DNTT: variants seen among roughly 807,000 people sequenced by gnomAD.
The protein encoded by DNTT is DNA nucleotidylexotransferase, also known as nucleosidetriphosphate:DNA deoxynucleotidylexotransferase.
Under a neutral mutation model 60.9 loss-of-function variants are expected in DNTT, and 47 were observed. The ratio of observed to expected loss-of-function variants is 0.77; its 90% confidence interval spans 0.61 to 0.98. DNTT has a LOEUF of 0.98. Ranked by LOEUF, DNTT falls within the 50% of genes least tolerant of loss-of-function variation. The probability of loss-of-function intolerance (pLI) is 0.00; values close to 1 mark genes in which losing one functional copy is unlikely to be tolerated. For synonymous variants in DNTT, 224 were observed against 221.2 expected, an observed-to-expected ratio of 1.01 and a Z score of -0.11; for missense variants, 665 against 627.5, an observed-to-expected ratio of 1.06 and a Z score of -0.64.
intron 10 of DNTT, among the ~76,000 whole-genome samples, chr10:96,336,677 T>G (rs1311273824): frequency 1.3e-5 from 2 of 152,196 alleles, no homozygotes; most frequent in African/African-American, 4.8e-5. Flanking sequence ...CCAGGCGCAG[T>G]GGCTCACGTC....
chr10:96,324,440 G>T (rs747472384), intron 6 of DNTT, 51 bp downstream of exon 6: 79 of 1,605,822 alleles, frequency 4.9e-5, no homozygotes, highest in Non-Finnish European at 6.7e-5. Context: ...GTCGGGTCGT[G>T]GTGGAGCTCT....
chr10:96,328,053 G>A (rs1844959740), intron 7 of DNTT, among the ~76,000 whole-genome samples: 2 of 152,188 alleles, frequency 1.3e-5, no homozygotes, highest in South Asian at 4.1e-4. Flanking sequence ...GTAGAGCTTA[G>A]TTCTCAGCAA....
rs147771983 is a variant in DNTT at position 96,315,679 on chromosome 10, A to G, written c.204-2673A>G. ...AGGGGTCCCAGGGTTCCTCTTTAAC[A>G]TACCCTTCTCCCTCTCAGGGTTAGG... is the stretch of plus-strand genomic sequence containing the variant. On this transcript the variant is annotated intron_variant, in intron 1 of 10. Transcript: ENST00000371174. Among the ~76,000 whole-genome samples, 1,113 of 151,964 alleles carry G rather than the reference A, an allele frequency of 7.3e-3. 9 individuals are homozygous for G. The highest frequency in any genetic ancestry group is 0.021 in the African/African-American group (880 of 41,458).
chr10:96,332,864 C>T (rs909391391), intron 9 of DNTT, among the ~76,000 whole-genome samples: 5 of 152,222 alleles, frequency 3.3e-5, no homozygotes, highest in African/African-American at 1.2e-4. Context: ...TTCTTCACCC[C>T]ACTCCAAACC....
Position 96,322,745 on chromosome 10 carries a change from A to T in DNTT, c.750+17A>T. On this transcript the variant is annotated intron_variant, in intron 5 of 10. Coordinates refer to ENST00000371174, the MANE Select transcript of DNTT (RefSeq NM_004088.4). ...TCCTTCAAAGTAAGTGATTTTACAT[A>T]TATTTATTGAAAATTGTTTTTCAGT... The T allele has an allele frequency of 3.8e-6, 6 of 1,570,254 alleles. No homozygotes were observed. The highest frequency in any genetic ancestry group is 5.2e-6 in the Non-Finnish European group (6 of 1,150,136).
intron 4 of DNTT, among the ~76,000 whole-genome samples, chr10:96,321,210 TA>T (rs1420671018): frequency 2.0e-5 from 3 of 152,058 alleles, no homozygotes; most frequent in African/African-American, 7.2e-5. Context: ...GGAAGTTTAT[TA>T]AAAAGCTTTA....
chr10:96,319,490 A>T (rs1844840210), intron 3 of DNTT, 100 bp downstream of exon 3: 1 of 1,550,176 alleles, frequency 6.5e-7, no homozygotes. Context: ...AAACCTGGGA[A>T]AGTTTTCCTC....
chr10:96,337,390 G>C (rs1182116974), intron 10 of DNTT, among the ~76,000 whole-genome samples: 1 of 152,226 alleles, frequency 6.6e-6, no homozygotes, highest in Admixed American at 6.5e-5. Flanking sequence ...GAGTCAAGAG[G>C]AGTGGTTTCC....
At chr10:96,332,645 TAGGCCG>T in intron 9 of DNTT, 49 bp downstream of exon 9, 1 of 1,594,964 alleles carries the variant, frequency 6.3e-7, no homozygotes, top group Non-Finnish European at 8.6e-7. Flanking sequence ...CTGAAAGACG[TAGGCCG>T]AGTCTACCTG....
At position 96,319,467 on chromosome 10, in the gene DNTT, T is replaced by G. The variant is rs1844838286; in HGVS notation, c.507+77T>G. On this transcript the variant is annotated intron_variant, in intron 3 of 10. Coordinates refer to ENST00000371174, the MANE Select transcript of DNTT (RefSeq NM_004088.4). ...TTTCTGTGGACCGCAAATTAAATTA[T>G]AAATTTTTCTGAAAACCTGGGAAAG... 3 of 1,584,896 alleles carry G rather than the reference T, an allele frequency of 1.9e-6. No individual in the cohort carries two copies. The Admixed American group carries it at 5.4e-5, about 28-fold the overall frequency.
At position 96,320,702 on chromosome 10, in the gene DNTT, T is replaced by C. The variant is rs769842897; in HGVS notation, c.592T>C (p.Leu198=). Residue 198 remains leucine (L), a synonymous_variant, in exon 4 of 11, where the codon TTG becomes CTG. Coordinates refer to ENST00000371174, the MANE Select transcript of DNTT (RefSeq NM_004088.4). Reference sequence around the variant, plus strand: ...GACATTTATGAGAGCAGCTTCTGTATTGAAATCTCTGCCATTCACAATCAT... The same window carrying C: ...GACATTTATGAGAGCAGCTTCTGTACTGAAATCTCTGCCATTCACAATCAT... ...CVTFMRAASV[L]KSLPFTIISM... is the part of the protein sequence containing the mutation. The C allele has an allele frequency of 2.5e-6, 4 of 1,613,894 alleles. No individual in the cohort carries two copies. Among genetic ancestry groups the C allele is most frequent in the Middle Eastern group, 1.7e-4 (1 of 6,060 alleles).
chr10:96,320,987 T>TAC (rs1844864875), intron 4 of DNTT, among the ~76,000 whole-genome samples, 199 bp downstream of exon 4: 1 of 149,506 alleles, frequency 6.7e-6, no homozygotes, highest in Non-Finnish European at 1.5e-5. Flanking sequence ...TTTATACACA[T>TAC]ACACACACAC....
chr10:96,310,066 G>A (rs1844692001), intron 1 of DNTT, among the ~76,000 whole-genome samples: 1 of 152,140 alleles, frequency 6.6e-6, no homozygotes, highest in Admixed American at 6.6e-5. Context: ...ACAAAAGTTT[G>A]CTTCTCCTCC....
chr10:96,320,779 T>C lies in DNTT; in HGVS notation c.669T>C (p.Gly223=). ...CCTGCCTGGGGTCCAAGGTGAAGGG[T>C]ATCATAGAGGTAAGGGTGAAATGGG... The part of the protein sequence containing the change: ...GIPCLGSKVK[G]IIEEIIEDGE... Residue 223 remains glycine, a synonymous_variant, in exon 4 of 11, where the codon GGT becomes GGC. Coordinates refer to ENST00000371174, the MANE Select transcript of DNTT (RefSeq NM_004088.4). 4.3e-6 allele frequency: 7 copies of C among 1,613,496 alleles called. No individual in the cohort carries two copies. Among genetic ancestry groups the C allele is most frequent in the Non-Finnish European group, 5.9e-6 (7 of 1,179,644 alleles).
intron 1 of DNTT, among the ~76,000 whole-genome samples, chr10:96,306,282 C>T (rs1030268138): frequency 3.3e-5 from 5 of 151,882 alleles, no homozygotes; most frequent in African/African-American, 1.2e-4. Flanking sequence ...TTAGTAGAGA[C>T]GGGGTTTCAC....
chr10:96,319,306 G>C lies in DNTT; in HGVS notation c.423G>C (p.Lys141Asn), dbSNP rs1252138273. The change falls in exon 3 of 11, where the codon AAG becomes AAC. Residue 141 changes from lysine (K) to asparagine (N), a missense_variant. By Grantham distance (94) the Lys-to-Asn change is moderately conservative. Coordinates refer to ENST00000371174, the MANE Select transcript of DNTT (RefSeq NM_004088.4). ...ATAGCACCAACCCAGGCCCCCCGAA[G>C]ACTCCACCAATTGCTGTACAAAAGA... ...YSDSTNPGPP[K>N]TPPIAVQKIS... 1 of 1,613,736 alleles carries C rather than the reference G, an allele frequency of 6.2e-7. No homozygotes were observed. Among genetic ancestry groups the C allele is most frequent in the African/African-American group, 1.3e-5 (1 of 74,898 alleles).
chr10:96,330,596 C>T (rs899855091), intron 8 of DNTT, among the ~76,000 whole-genome samples: 2 of 152,010 alleles, frequency 1.3e-5, no homozygotes, highest in African/African-American at 4.8e-5. Flanking sequence ...TTCTTCAAGG[C>T]GTTGAAGGGT....
At chr10:96,332,969 C>G (rs1312011844) in intron 9 of DNTT, among the ~76,000 whole-genome samples, 1 of 152,084 alleles carries the variant, frequency 6.6e-6, no homozygotes, top group Admixed American at 6.6e-5. Flanking sequence ...GTAGGAGAAC[C>G]ACTGAAGTAC....
At chr10:96,334,435 G>A (rs1259039214) in intron 9 of DNTT, among the ~76,000 whole-genome samples, 1 of 152,214 alleles carries the variant, frequency 6.6e-6, no homozygotes, top group Non-Finnish European at 1.5e-5. Flanking sequence ...CCATTCGCAT[G>A]TGTTCCACCC....
Sources: allele counts gnomAD v4.1 joint callset (sites outside exome capture counted in the v4.1 genomes callset), GRCh38; gene constraint gnomAD v4.1.1; transcripts MANE v1.5; gene names NCBI Gene and HGNC (gene_info 2026-07-23, HGNC 2026-07-21).